TPH1: variants seen among roughly 807,000 people sequenced by gnomAD.
TPH1 encodes the protein tryptophan hydroxylase 1.
In TPH1, 37 loss-of-function variants were observed where a neutral mutation model predicts 49.5. The observed-to-expected ratio is 0.75, with a 90% CI of 0.58 to 0.98. TPH1 has a LOEUF of 0.98. Among genes scored for constraint, TPH1 ranks in the 50% least tolerant of loss-of-function variants. The probability of loss-of-function intolerance (pLI) is 0.00; values close to 1 mark genes in which losing one functional copy is unlikely to be tolerated. For missense variants in TPH1, 487 were observed against 523.6 expected (o/e 0.93, Z 0.68); for synonymous variants, 160 against 182.1 (o/e 0.88, Z 0.98).
chr11:18,028,967 T>C (rs1847955385), intron 6 of TPH1, among the ~76,000 whole-genome samples, 198 bp downstream of exon 6: 1 of 148,586 alleles, frequency 6.7e-6, no homozygotes, highest in Admixed American at 6.9e-5. Context: ...TGGGAGGCCA[T>C]GGCAAGAGAA....
intron 7 of TPH1, among the ~76,000 whole-genome samples, chr11:18,025,978 C>A (rs1288717759): frequency 6.6e-6 from 1 of 152,042 alleles, no homozygotes; most frequent in African/African-American, 2.4e-5. Flanking sequence ...CACATACACA[C>A]CCAAATCAGA....
intron 3 of TPH1, 63 bp downstream of exon 3, chr11:18,035,896 A>G: frequency 7.4e-7 from 1 of 1,353,656 alleles, no homozygotes; most frequent in Non-Finnish European, 1.1e-6. Context: ...CAAGATAAAT[A>G]TAAGGCTGGA....
At chr11:18,044,686 A>G (rs532652278) in intron 1 of TPH1, among the ~76,000 whole-genome samples, 139 of 151,920 alleles carry the variant, frequency 9.1e-4, no homozygotes, top group Non-Finnish European at 1.6e-3. Flanking sequence ...CAGAACCTCA[A>G]TATTTTGCCT....
intron 1 of TPH1, chr11:18,041,392 C>T (rs1221374099): frequency 6.6e-6 from 1 of 152,482 alleles, no homozygotes; most frequent in African/African-American, 2.4e-5. Context: ...CCTATTTACA[C>T]TGCAAAACAG....
At chr11:18,026,740 T>C in intron 6 of TPH1, 115 bp from the exon 7 acceptor site, 1 of 1,248,592 alleles carries the variant, frequency 8.0e-7, no homozygotes, top group Non-Finnish European at 1.2e-6. Context: ...ATGGAAACTA[T>C]AATTTATCAT....
chr11:18,043,754 T>C (rs1298688950), intron 1 of TPH1, among the ~76,000 whole-genome samples: 2 of 152,108 alleles, frequency 1.3e-5, no homozygotes, highest in South Asian at 2.1e-4. Flanking sequence ...CAGTCCCAGC[T>C]ACTAGGGAGG....
At chr11:18,022,044 A>AGGACT (rs560946787) in intron 10 of TPH1, among the ~76,000 whole-genome samples, 18 of 152,356 alleles carry the variant, frequency 1.2e-4, no homozygotes, top group African/African-American at 2.9e-4. Context: ...CTGAAAGACA[A>AGGACT]GGACTATGAC....
intron 2 of TPH1, 107 bp downstream of exon 2, chr11:18,040,539 G>A: frequency 8.9e-7 from 1 of 1,127,776 alleles, no homozygotes; most frequent in Non-Finnish European, 1.2e-6. Context: ...AGCTAAATTT[G>A]TTTTTTTTTA....
chr11:18,046,220 G>A (rs1450374925), intron 1 of TPH1, among the ~76,000 whole-genome samples, 21 bp downstream of exon 1: 1 of 152,132 alleles, frequency 6.6e-6, no homozygotes, highest in Non-Finnish European at 1.5e-5. Context: ...CGGTGCCCGC[G>A]GGAAGGGCCG....
At chr11:18,021,565 C>A (rs963193737) in intron 10 of TPH1, among the ~76,000 whole-genome samples, 1 of 152,048 alleles carries the variant, frequency 6.6e-6, no homozygotes, top group African/African-American at 2.4e-5. Context: ...AGTAACAGAT[C>A]CCTCAGTCAT....
chr11:18,026,439 T>A, intron 7 of TPH1, 51 bp downstream of exon 7: 1 of 1,376,092 alleles, frequency 7.3e-7, no homozygotes, highest in Non-Finnish European at 1.0e-6. Context: ...GTAGATGCCA[T>A]TATTATAAAT....
At chr11:18,035,133 G>A (rs1344617079) in intron 3 of TPH1, among the ~76,000 whole-genome samples, 1 of 152,214 alleles carries the variant, frequency 6.6e-6, no homozygotes, top group African/African-American at 2.4e-5. Context: ...GGCCACGGAC[G>A]AGTCCCCTGC....
chr11:18,022,922 A>G lies in TPH1; in HGVS notation c.1036T>C (p.Ser346Pro), dbSNP rs1184910055. The G allele has an allele frequency of 6.2e-7, 1 of 1,613,262 alleles. No individual in the cohort carries two copies. Among genetic ancestry groups the G allele is most frequent in the East Asian group, 2.2e-5 (1 of 44,866 alleles). Reference protein sequence around the residue: ...SSISELKHALSGHAKVKPFDP... With the variant: ...SSISELKHALPGHAKVKPFDP... ...AAGGGCTTTACTTTGGCATGTCCAG[A>G]AAGTGCATGCTAGAAGACAAAGAGT... is the stretch of plus-strand genomic sequence containing the variant. Residue 346 changes from serine to proline, a missense_variant, in exon 10 of 11, where the codon TCT becomes CCT. Ser to Pro is a moderately conservative substitution (Grantham distance 74). Coordinates refer to ENST00000682019, the MANE Select transcript of TPH1 (RefSeq NM_004179.3).
At chr11:18,044,119 T>C (rs1848120402) in intron 1 of TPH1, among the ~76,000 whole-genome samples, 1 of 152,210 alleles carries the variant, frequency 6.6e-6, no homozygotes, top group African/African-American at 2.4e-5. Context: ...TTTTGATGTA[T>C]TTAAAGACAT....
chr11:18,040,487 C>G (rs1848089943), intron 2 of TPH1, among the ~76,000 whole-genome samples, 159 bp downstream of exon 2: 1 of 151,620 alleles, frequency 6.6e-6, no homozygotes, highest in African/African-American at 2.4e-5. Flanking sequence ...CCCACCCCAG[C>G]CTCCCAGGTA....
intron 1 of TPH1, among the ~76,000 whole-genome samples, chr11:18,043,415 G>A (rs527330105): frequency 1.8e-4 from 28 of 152,256 alleles, no homozygotes; most frequent in Middle Eastern, 6.8e-3. Flanking sequence ...GACCAGCCTG[G>A]CCAACATGGT....
chr11:18,036,227 A>T, intron 2 of TPH1, 85 bp from the exon 3 acceptor site: 1 of 1,023,578 alleles, frequency 9.8e-7, no homozygotes, highest in South Asian at 1.4e-5. Flanking sequence ...TACCACTAAA[A>T]ATCAGATTCA....
chr11:18,031,777 T>C (rs1010232657), intron 4 of TPH1, among the ~76,000 whole-genome samples: 8 of 152,206 alleles, frequency 5.3e-5, no homozygotes, highest in Non-Finnish European at 1.0e-4. Context: ...TGAATTGTTC[T>C]TCCTTTCCAT....
At chr11:18,036,936 C>T (rs1014387582) in intron 2 of TPH1, among the ~76,000 whole-genome samples, 54 of 152,036 alleles carry the variant, frequency 3.6e-4, no homozygotes, top group Admixed American at 3.4e-3. Flanking sequence ...TTGGTGAACA[C>T]ATGGAAGATT....
Sources: allele counts gnomAD v4.1 joint callset (sites outside exome capture counted in the v4.1 genomes callset), GRCh38; gene constraint gnomAD v4.1.1; transcripts MANE v1.5; gene names NCBI Gene and HGNC (gene_info 2026-07-23, HGNC 2026-07-21).